The following USP42 variants were observed in gnomAD, a reference collection of about 807,000 sequenced individuals.
USP42 encodes the protein ubiquitin specific peptidase 42, also known as ubiquitin carboxyl-terminal hydrolase 42.
A neutral mutation model predicts 113.0 loss-of-function variants in USP42; 23 were observed. The ratio of observed to expected loss-of-function variants is 0.20; its 90% CI spans 0.15 to 0.29. The LOEUF is 0.29. Ranked by LOEUF, USP42 falls within the 10% of genes least tolerant of loss-of-function variation. The pLI, the probability that USP42 is intolerant of heterozygous loss-of-function variation, is 1.00. For missense variants in USP42, 2,174 were observed against 1,779.8 expected (o/e 1.22, Z -3.99); for synonymous variants, 933 against 699.0 (o/e 1.33, Z -5.28).
chr7:6,091,984 CT>C, the USP42 span, among the ~76,000 whole-genome samples: 5 of 33,188 alleles, frequency 1.5e-4, no homozygotes, highest in East Asian at 7.6e-4. Context: ...ATTTTTTCTT[CT>C]TCTTCTTCTT....
chr7:6,146,326 ATTCAGTGTTTTAAAAAAAAAAAAAAACCC>A, intron 11 of USP42, 78 bp downstream of exon 11: 1 of 832,800 alleles, frequency 1.2e-6, no homozygotes, highest in Admixed American at 3.2e-5. Flanking sequence ...TGAATTCAAT[ATTCAGTGTTTTAAAAAAAAAAAAAAACCC>A]AGCAGCTTAA....
In USP42 at chr7:6,161,129, C is replaced by CAGTT. The variant is rs573188154; in HGVS notation, c.*613_*616dup. 5.2e-5 allele frequency: 8 copies of CAGTT among 152,622 alleles called. No individual in the cohort carries two copies. The South Asian group carries it at 1.7e-3, about 32-fold the overall frequency. The allele number at this position is 152,622 out of a possible 1,614,324, so 9.5% of individuals were successfully genotyped here. A position where few individuals can be genotyped will look rare whatever the true frequency, so the allele number is the denominator to read the frequency against. On this transcript the variant is annotated 3_prime_UTR_variant, in exon 18 of 18. Transcript: ENST00000306177. ...GAACTGTTCCAATCAATCAATTTCC[C>CAGTT]AGTTATGATGAGTATTTACATTATG...
chr7:6,117,053 A>G (rs1779952180), intron 3 of USP42: 3 of 312,934 alleles, frequency 9.6e-6, no homozygotes, highest in South Asian at 5.4e-5. Flanking sequence ...ATTGATATAT[A>G]CCAAATTACA....
At chr7:6,135,293 C>T (rs1016732705) in intron 3 of USP42, among the ~76,000 whole-genome samples, 4 of 152,166 alleles carry the variant, frequency 2.6e-5, no homozygotes, top group Non-Finnish European at 5.9e-5. Context: ...TTTAAACTCT[C>T]TGAGCTTTTT....
rs981953961 is a variant in USP42 at position 6,160,763 on chromosome 7, C to T, written c.*245C>T. 2.0e-5 allele frequency: 3 copies of T among 152,426 alleles called. No individual in the cohort carries two copies. Among genetic ancestry groups the T allele is most frequent in the African/African-American group, 7.3e-5 (3 of 41,366 alleles). The allele number at this position is 152,426 out of a possible 1,614,324, so 9.4% of individuals were successfully genotyped here. Reference sequence around the variant, plus strand: ...ACCACTGCTGACCATTGTAAAATACCGTGTATATAAATCCCATTGAAATAA... The same window carrying T: ...ACCACTGCTGACCATTGTAAAATACTGTGTATATAAATCCCATTGAAATAA... On this transcript the variant is annotated 3_prime_UTR_variant, in exon 18 of 18. Coordinates refer to ENST00000306177, the MANE Select transcript of USP42 (RefSeq NM_032172.3).
rs568726454 is a variant in USP42, at chr7:6,154,380, C to G, written c.2826C>G (p.Ile942Met). 5.1e-6 allele frequency: 8 copies of G among 1,576,256 alleles called. No homozygotes were observed. Among genetic ancestry groups the G allele is most frequent in the Non-Finnish European group, 6.9e-6 (8 of 1,162,758 alleles). ...APGPSPAKEK[I>M]GSLRKVDRGH... ...GCCCTTCCCCAGCGAAGGAGAAAAT[C>G]GGCAGCCTCAGAAAGGTGGACCGAG... The change falls in exon 15 of 18, where the codon ATC becomes ATG. Residue 942 changes from isoleucine to methionine, a missense_variant. Ile to Met is a conservative substitution (Grantham distance 10, BLOSUM62 1). Coordinates refer to ENST00000306177, the MANE Select transcript of USP42 (RefSeq NM_032172.3).
upstream of USP42, among the ~76,000 whole-genome samples, chr7:6,103,125 G>A (rs899578627): frequency 8.6e-5 from 13 of 151,066 alleles, no homozygotes; most frequent in Non-Finnish European, 8.8e-5. Flanking sequence ...GAGGGGAGAT[G>A]CAGAGATGAA....
At chr7:6,100,821 C>A (rs1221203590), upstream of USP42, among the ~76,000 whole-genome samples, 1 of 150,214 alleles carries the variant, frequency 6.7e-6, no homozygotes, top group Non-Finnish European at 1.5e-5. Context: ...CGCGCGCTAC[C>A]ACACTCAGCT....
chr7:6,101,903 A>T (rs1169700942), upstream of USP42, among the ~76,000 whole-genome samples: 4 of 144,366 alleles, frequency 2.8e-5, no homozygotes, highest in African/African-American at 1.1e-4. Flanking sequence ...ACATGGTGAA[A>T]CCCCATCTCT....
chr7:6,113,896 C>T (rs990389171), intron 2 of USP42, among the ~76,000 whole-genome samples: 7 of 149,698 alleles, frequency 4.7e-5, no homozygotes, highest in Non-Finnish European at 9.0e-5. Context: ...GCTGGGATTA[C>T]AGGCATGAGC....
At chr7:6,087,493 C>T in the USP42 span, among the ~76,000 whole-genome samples, 1 of 149,912 alleles carries the variant, frequency 6.7e-6, no homozygotes. Context: ...GATGCCACTG[C>T]GCCTGTCTCA....
the USP42 span, among the ~76,000 whole-genome samples, chr7:6,083,305 G>A: frequency 6.9e-6 from 1 of 145,398 alleles, no homozygotes; most frequent in South Asian, 2.1e-4. Flanking sequence ...GCCCAGGCTG[G>A]AGTGCAGTGG....
At chr7:6,103,393 G>A (rs185870095), upstream of USP42, among the ~76,000 whole-genome samples, 92 of 150,574 alleles carry the variant, frequency 6.1e-4, no homozygotes, top group Non-Finnish European at 1.2e-3. Context: ...AAAATTAGCC[G>A]GGCGTGGTGG....
intron 14 of USP42, among the ~76,000 whole-genome samples, chr7:6,151,321 C>T (rs894159978): frequency 3.9e-5 from 6 of 152,238 alleles, no homozygotes; most frequent in African/African-American, 7.2e-5. Context: ...GTAAACACAC[C>T]TTAGCTTACT....
chr7:6,133,845 C>T (rs993755647), intron 3 of USP42, among the ~76,000 whole-genome samples: 7 of 150,930 alleles, frequency 4.6e-5, no homozygotes, highest in Non-Finnish European at 8.8e-5. Flanking sequence ...AGATTGTACT[C>T]TTCATGTGTA....
At chr7:6,150,347 T>C in intron 13 of USP42, 45 bp downstream of exon 13, 1 of 1,607,634 alleles carries the variant, frequency 6.2e-7, no homozygotes, top group Non-Finnish European at 8.5e-7. Flanking sequence ...GGCGGTTCCC[T>C]TGGCTGGATT....
intron 7 of USP42, among the ~76,000 whole-genome samples, chr7:6,142,418 A>C (rs1781482721): frequency 6.6e-6 from 1 of 151,958 alleles, no homozygotes; most frequent in African/African-American, 2.4e-5. Context: ...GGGTTTTACC[A>C]TGTTAGCCAG....
chr7:6,126,133 TTTCAAC>T (rs1364450129), intron 3 of USP42, among the ~76,000 whole-genome samples: 3 of 152,236 alleles, frequency 2.0e-5, no homozygotes, highest in Non-Finnish European at 4.4e-5. Flanking sequence ...GATTTTGTCA[TTTCAAC>T]AGTGTTACGT....
chr7:6,129,499 G>T (rs1780725349), intron 3 of USP42, among the ~76,000 whole-genome samples: 1 of 150,268 alleles, frequency 6.7e-6, no homozygotes, highest in African/African-American at 2.5e-5. Flanking sequence ...GGAAGTTGTG[G>T]TGAGCCAAGA....
Sources: allele counts gnomAD v4.1 joint callset (sites outside exome capture counted in the v4.1 genomes callset), GRCh38; gene constraint gnomAD v4.1.1; transcripts MANE v1.5; gene names NCBI Gene and HGNC (gene_info 2026-07-23, HGNC 2026-07-21).